The following SGCZ variants were observed in gnomAD, a reference collection of about 807,000 sequenced individuals.
The protein encoded by SGCZ is sarcoglycan zeta.
A neutral mutation model predicts 41.3 loss-of-function variants in SGCZ; 40 were observed. The ratio of observed to expected loss-of-function variants is 0.97; its 90% CI spans 0.75 to 1.26. SGCZ has a LOEUF of 1.26. SGCZ is among the 50% of genes most tolerant of loss of function. The pLI is 0.00. For synonymous variants in SGCZ, 206 were observed against 137.5 expected, an observed-to-expected ratio of 1.50 and a Z score of -3.49; for missense variants, 552 against 369.8, an observed-to-expected ratio of 1.49 and a Z score of -4.04.
chr8:14,779,904 C>T (rs62493281), intron 1 of SGCZ, among the ~76,000 whole-genome samples: 2,361 of 152,228 alleles, frequency 0.016, 34 homozygotes, highest in Non-Finnish European at 0.02. Context: ...ATTTGACCAA[C>T]GTATGATCTA....
At chr8:15,037,684 G>T (rs1413489089) in intron 1 of SGCZ, among the ~76,000 whole-genome samples, 1 of 152,104 alleles carries the variant, frequency 6.6e-6, no homozygotes, top group Admixed American at 6.6e-5. Context: ...AAGTTAAACT[G>T]TCCCTGTTTG....
chr8:14,197,577 C>T lies in SGCZ; in HGVS notation c.425-32875G>A, dbSNP rs939857150. ...AAAAAAACAAATAATTATCTTAGTA[C>T]CTAGAGAAAAAGCTTCTGTCAAAAT... On this transcript the variant is annotated intron_variant, in intron 4 of 7. Coordinates refer to ENST00000382080, the MANE Select transcript of SGCZ (RefSeq NM_139167.4). Among the ~76,000 whole-genome samples the T allele has an allele frequency of 1.5e-4, 23 of 151,676 alleles. 1 individual carries two copies. The highest frequency in any genetic ancestry group is 3.4e-4 in the African/African-American group (14 of 41,282).
At chr8:14,413,836 C>A (rs968601804) in intron 2 of SGCZ, among the ~76,000 whole-genome samples, 18 of 151,876 alleles carry the variant, frequency 1.2e-4, no homozygotes, top group Non-Finnish European at 1.9e-4. Flanking sequence ...AACATAAATC[C>A]TAGGAGAACA....
chr8:14,129,826 G>A (rs541092826), intron 5 of SGCZ, among the ~76,000 whole-genome samples: 2 of 152,082 alleles, frequency 1.3e-5, no homozygotes, highest in Non-Finnish European at 2.9e-5. Flanking sequence ...ACATTGCCCA[G>A]AGAAATGAAT....
chr8:14,121,918 T>C (rs962466984), intron 5 of SGCZ, among the ~76,000 whole-genome samples: 7 of 152,230 alleles, frequency 4.6e-5, no homozygotes, highest in African/African-American at 1.4e-4. Flanking sequence ...CATACATTGA[T>C]ACATAAATAG....
At chr8:14,102,102 A>AAT (rs1802046245) in intron 7 of SGCZ, among the ~76,000 whole-genome samples, 1 of 87,770 alleles carries the variant, frequency 1.1e-5, no homozygotes, top group African/African-American at 4.5e-5. Context: ...ATATATATAT[A>AAT]TAATTTTTTT....
chr8:14,997,904 G>A (rs1043558434), intron 1 of SGCZ, among the ~76,000 whole-genome samples: 1 of 152,064 alleles, frequency 6.6e-6, no homozygotes, highest in Non-Finnish European at 1.5e-5. Flanking sequence ...AGGTTGCAGT[G>A]AGCCGAGATG....
chr8:14,214,878 T>C (rs1805941115), intron 4 of SGCZ, among the ~76,000 whole-genome samples: 1 of 152,034 alleles, frequency 6.6e-6, no homozygotes, highest in African/African-American at 2.4e-5. Flanking sequence ...GTAAAAATGA[T>C]AGAGTTGAGG....
At chr8:14,467,227 T>C (rs986599613) in intron 2 of SGCZ, among the ~76,000 whole-genome samples, 2 of 151,950 alleles carry the variant, frequency 1.3e-5, no homozygotes, top group Admixed American at 6.6e-5. Context: ...CTTCTGAAGA[T>C]GCTAGTCTTT....
chr8:14,124,632 C>CT (rs1802797743), intron 5 of SGCZ, among the ~76,000 whole-genome samples: 1 of 152,170 alleles, frequency 6.6e-6, no homozygotes, highest in Admixed American at 6.6e-5. Flanking sequence ...TTAGGCATAT[C>CT]TTAAGTTTCC....
chr8:14,888,687 T>C lies in SGCZ; in HGVS notation c.40-333761A>G, dbSNP rs376013494. 1.7e-3 allele frequency among the ~76,000 whole-genome samples: 252 copies of C among 152,290 alleles called. 5 individuals are homozygous for C. In the South Asian group the frequency reaches 0.037, roughly 22 times the overall value. ...ATATTAAATTGTCTCATTGTTTATA[T>C]GAAGCAAAAGAACATTAAAATATCA... On this transcript the variant is annotated intron_variant, in intron 1 of 7. Transcript: ENST00000382080.
At chr8:14,436,744 G>T (rs1048863002) in intron 2 of SGCZ, among the ~76,000 whole-genome samples, 6 of 152,130 alleles carry the variant, frequency 3.9e-5, no homozygotes. Context: ...GTTTTTTAAT[G>T]ACAAGTATGG....
At chr8:15,041,169 G>A (rs773791438) in intron 1 of SGCZ, among the ~76,000 whole-genome samples, 2 of 151,152 alleles carry the variant, frequency 1.3e-5, no homozygotes, top group Non-Finnish European at 2.9e-5. Context: ...TTATAACATA[G>A]AGTTAAATTA....
intron 1 of SGCZ, among the ~76,000 whole-genome samples, chr8:14,978,795 A>T (rs1585431977): frequency 6.6e-6 from 1 of 151,822 alleles, no homozygotes; most frequent in South Asian, 2.1e-4. Context: ...AGAGTTTACA[A>T]TTTTTTGTTT....
At chr8:14,657,065 T>A (rs181979145) in intron 1 of SGCZ, among the ~76,000 whole-genome samples, 3 of 152,098 alleles carry the variant, frequency 2.0e-5, no homozygotes, top group Admixed American at 6.6e-5. Flanking sequence ...CTATTGTGCG[T>A]CACTCATTTA....
chr8:14,905,203 T>A (rs1563352880), intron 1 of SGCZ, among the ~76,000 whole-genome samples: 1 of 151,942 alleles, frequency 6.6e-6, no homozygotes, highest in East Asian at 1.9e-4. Context: ...ATCTAAAATA[T>A]AACAAACACT....
intron 1 of SGCZ, chr8:14,878,956 G>C (rs1804473544): frequency 6.6e-6 from 1 of 152,130 alleles, no homozygotes; most frequent in Non-Finnish European, 1.5e-5. Context: ...CCCTATAAAG[G>C]TGGTAGGTTG....
chr8:14,825,750 A>G (rs1585295192), intron 1 of SGCZ, among the ~76,000 whole-genome samples: 2 of 152,078 alleles, frequency 1.3e-5, no homozygotes, highest in South Asian at 4.1e-4. Context: ...TCTACCGTCT[A>G]TTCTATGAAA....
At chr8:14,316,232 T>C (rs1019896398) in intron 3 of SGCZ, among the ~76,000 whole-genome samples, 1 of 151,778 alleles carries the variant, frequency 6.6e-6, no homozygotes. Context: ...TAAAATGAAA[T>C]ATAGGGAGAA....
Sources: allele counts gnomAD v4.1 joint callset (sites outside exome capture counted in the v4.1 genomes callset), GRCh38; gene constraint gnomAD v4.1.1; transcripts MANE v1.5; gene names NCBI Gene and HGNC (gene_info 2026-07-23, HGNC 2026-07-21).